Variants in GOLGA2 observed in about 807,000 individuals in gnomAD.
GOLGA2 encodes the protein golgin A2.
Under a neutral mutation model 148.8 loss-of-function variants are expected in GOLGA2, and 49 were observed. The ratio of observed to expected loss-of-function variants is 0.33; its 90% CI spans 0.26 to 0.42. The LOEUF is 0.42. Among genes scored for constraint, GOLGA2 ranks in the 10% least tolerant of loss-of-function variants. The pLI is 1.00. For missense variants in GOLGA2, 1,178 were observed against 1,304.6 expected (o/e 0.90, Z 1.49); for synonymous variants, 501 against 511.8 (o/e 0.98, Z 0.28).
Position 128,260,922 on chromosome 9 carries a change from A to T in GOLGA2, c.1421-120T>A, listed in dbSNP as rs1238786154. Reference sequence around the variant, plus strand: ...CCTGCTGATGATTCCTCGCACCCGGATGTTAGCCAATCTTCCAAACCACTT... The same window carrying T: ...CCTGCTGATGATTCCTCGCACCCGGTTGTTAGCCAATCTTCCAAACCACTT... On this transcript the variant is annotated intron_variant, in intron 17 of 26. Coordinates refer to ENST00000611957, the MANE Select transcript of GOLGA2 (RefSeq NM_001366244.2). This position sits in a 1 kb window ranked among gnomAD's most constrained non-coding sequence, Gnocchi z 4.8. The T allele has an allele frequency of 1.4e-6, 1 of 732,754 alleles. No homozygotes were observed. The highest frequency in any genetic ancestry group is 2.2e-6 in the Non-Finnish European group (1 of 446,666). 45.4% of individuals were successfully genotyped at this position (732,754 alleles called of 1,614,324 possible).
intron 3 of GOLGA2, among the ~76,000 whole-genome samples, chr9:128,269,257 G>A (rs1025866390): frequency 6.6e-6 from 1 of 151,604 alleles, no homozygotes; most frequent in African/African-American, 2.4e-5. Flanking sequence ...CCTACTGGCT[G>A]TGTTTCTGAT....
chr9:128,273,285 T>A (rs1421301614), intron 2 of GOLGA2, among the ~76,000 whole-genome samples: 1 of 152,182 alleles, frequency 6.6e-6, no homozygotes, highest in African/African-American at 2.4e-5. Context: ...AAGACACTGA[T>A]CATATCCAAT....
chr9:128,257,807 C>T lies in GOLGA2; in HGVS notation c.2594G>A (p.Gly865Glu). 1 of 1,614,090 alleles carries T rather than the reference C, an allele frequency of 6.2e-7. No homozygotes were observed. Among genetic ancestry groups the T allele is most frequent in the Non-Finnish European group, 8.5e-7 (1 of 1,179,908 alleles). Residue 865 changes from glycine (G) to glutamate (E), a missense_variant, in exon 24 of 27, where the codon GGA (glycine) becomes GAA (glutamate). This residue lies in a region of GOLGA2 where 38 missense variants were observed against 67.3 expected (regional missense o/e 0.56). Coordinates refer to ENST00000611957, the MANE Select transcript of GOLGA2 (RefSeq NM_001366244.2). This position sits in a 1 kb window ranked among gnomAD's most constrained non-coding sequence, Gnocchi z 8.0. ...CCACTCACCAATGGTGTCTGTCTCT[C>T]CAGAAAGCTGGATGCAGCGATGTTC... ...ELEHRCIQLS[G>E]ETDTIGEYIA...
intron 1 of GOLGA2, chr9:128,275,379 C>T: frequency 7.8e-7 from 1 of 1,286,122 alleles, no homozygotes; most frequent in Non-Finnish European, 9.9e-7. Flanking sequence ...GGGGGAACAT[C>T]AGCGCGACGT....
chr9:128,260,504 C>G lies in GOLGA2; in HGVS notation c.1719G>C (p.Lys573Asn). Reference sequence around the variant, plus strand: ...CGCTCTGCAGCTCAGCCAGCTGCTCCTTGAGCTCCCGGTTCTGGGAGAGTG... The same window carrying G: ...CGCTCTGCAGCTCAGCCAGCTGCTCGTTGAGCTCCCGGTTCTGGGAGAGTG... Reference protein sequence around the residue: ...SRALSQNRELKEQLAELQSGF... With the variant: ...SRALSQNRELNEQLAELQSGF... Residue 573 changes from lysine (K) to asparagine (N), a missense_variant, in exon 18 of 27, where the codon AAG (lysine) becomes AAC (asparagine). Physicochemically the swap from Lys to Asn is moderately conservative, Grantham distance 94. Coordinates refer to ENST00000611957, the MANE Select transcript of GOLGA2 (RefSeq NM_001366244.2). The surrounding 1 kb of genome is among the most constrained non-coding windows in gnomAD (Gnocchi z 4.8). 1 of 1,612,986 alleles carries G rather than the reference C, an allele frequency of 6.2e-7. No individual in the cohort carries two copies. The highest frequency in any genetic ancestry group is 1.3e-5 in the African/African-American group (1 of 75,042).
chr9:128,274,753 T>C (rs767174461), intron 1 of GOLGA2, among the ~76,000 whole-genome samples: 8 of 152,190 alleles, frequency 5.3e-5, no homozygotes, highest in Non-Finnish European at 8.8e-5. Context: ...CTCTTAGAAA[T>C]TTATGTGACT....
chr9:128,265,228 C>T (rs925374983), intron 12 of GOLGA2, among the ~76,000 whole-genome samples: 10 of 152,260 alleles, frequency 6.6e-5, no homozygotes, highest in East Asian at 1.9e-4. Context: ...TACACACACA[C>T]GTTCCCTCTC....
At chr9:128,272,126 T>TG (rs1307811688) in intron 3 of GOLGA2, among the ~76,000 whole-genome samples, 4 of 149,486 alleles carry the variant, frequency 2.7e-5, no homozygotes, top group African/African-American at 9.8e-5. Flanking sequence ...GGTTTTTTTG[T>TG]GTTTTTTTTT....
intron 3 of GOLGA2, among the ~76,000 whole-genome samples, chr9:128,269,330 G>A (rs1830789256): frequency 6.6e-6 from 1 of 150,818 alleles, no homozygotes; most frequent in South Asian, 2.1e-4. Flanking sequence ...CCAACTCTCT[G>A]GAGGTAAAAA....
chr9:128,274,026 C>G, intron 1 of GOLGA2, 54 bp from the exon 2 acceptor site: 1 of 1,565,292 alleles, frequency 6.4e-7, no homozygotes, highest in Non-Finnish European at 8.7e-7. Context: ...CCCACAGTTA[C>G]ATCCTACTTT....
intron 1 of GOLGA2, chr9:128,275,332 C>A: frequency 9.0e-7 from 1 of 1,110,198 alleles, no homozygotes; most frequent in Non-Finnish European, 1.2e-6. Context: ...AATTACGGTT[C>A]CGAGGGGGAT....
Position 128,266,404 on chromosome 9 carries a change from G to C in GOLGA2, c.643-79C>G. The stretch of plus-strand genomic sequence containing the variant: ...CCCCAGACCAGGAACGGGTAGGCAG[G>C]GGCCAGGAATGGATTTTAAAGGCAA... On this transcript the variant is annotated intron_variant, in intron 8 of 26. Coordinates refer to ENST00000611957, the MANE Select transcript of GOLGA2 (RefSeq NM_001366244.2). The surrounding 1 kb of genome is among the most constrained non-coding windows in gnomAD (Gnocchi z 4.2). The C allele has an allele frequency of 7.8e-7, 1 of 1,289,982 alleles. No individual in the cohort carries two copies. Among genetic ancestry groups the C allele is most frequent in the Non-Finnish European group, 1.1e-6 (1 of 894,626 alleles). 79.9% of individuals were successfully genotyped at this position (1,289,982 alleles called of 1,614,324 possible). A position where few individuals can be genotyped will look rare whatever the true frequency, so the allele number is the denominator to read the frequency against.
chr9:128,275,284 G>A (rs898017697), intron 1 of GOLGA2: 8 of 694,752 alleles, frequency 1.2e-5, no homozygotes, highest in East Asian at 3.3e-5. Flanking sequence ...ACACTTAGGG[G>A]ACTGGGTCCT....
In GOLGA2 at chr9:128,260,456, G is replaced by A; in HGVS notation, c.1758+9C>T. The A allele has an allele frequency of 6.2e-7, 1 of 1,601,604 alleles. No homozygotes were observed. The highest frequency in any genetic ancestry group is 8.5e-7 in the Non-Finnish European group (1 of 1,171,282). On this transcript the variant is annotated intron_variant, in intron 18 of 26. Transcript: ENST00000611957. The surrounding 1 kb of genome is among the most constrained non-coding windows in gnomAD (Gnocchi z 4.8). ...GAGGAGGGCGGGCTCTCCAGGTGGGGCAGCGCACCAGCTTTACAAATCCGC... is the reference window on the plus strand; with the variant it reads ...GAGGAGGGCGGGCTCTCCAGGTGGGACAGCGCACCAGCTTTACAAATCCGC...
chr9:128,273,069 A>G (rs1831058502), intron 2 of GOLGA2, among the ~76,000 whole-genome samples: 1 of 152,218 alleles, frequency 6.6e-6, no homozygotes, highest in Non-Finnish European at 1.5e-5. Flanking sequence ...AATAGATGGA[A>G]AAGTCCCCTG....
rs766657971 is a variant in GOLGA2 at position 128,258,165 on chromosome 9, C to T, written c.2323G>A (p.Glu775Lys). The change falls in exon 23 of 27, where the codon GAG (glutamate) becomes AAG (lysine). Residue 775 changes from glutamate to lysine, a missense_variant. Glu to Lys is a moderately conservative substitution (Grantham distance 56, BLOSUM62 1). This residue lies in a region of GOLGA2 where 529 missense variants were observed against 521.8 expected (regional missense o/e 1.01). Transcript: ENST00000611957. The surrounding 1 kb of genome is among the most constrained non-coding windows in gnomAD (Gnocchi z 6.6). The part of the protein sequence containing the change: ...AFFNSAVASA[E>K]EEQARLRGQL... ...CCACGTAGCCTTGCCTGCTCCTCCT[C>T]GGCACTGGCTACAGCTGAGTTGAAA... The T allele has an allele frequency of 5.4e-5, 87 of 1,603,282 alleles. No homozygotes were observed. The highest frequency in any genetic ancestry group is 7.0e-5 in the Non-Finnish European group (82 of 1,177,150).
In GOLGA2 at chr9:128,258,060, C is replaced by T; in HGVS notation, c.2428G>A (p.Ala810Thr). 6.2e-7 allele frequency: 1 copy of T among 1,611,496 alleles called. No individual in the cohort carries two copies. Among genetic ancestry groups the T allele is most frequent in the Non-Finnish European group, 8.5e-7 (1 of 1,179,714 alleles). The part of the protein sequence containing the change: ...ASAQKEPEAA[A>T]PAPGTGGDSV... ...TCACCCCCGGTCCCTGGGGCTGGGG[C>T]TGCTGCCTCAGGCTCCTTCTGGGCC... Residue 810 changes from alanine to threonine, a missense_variant, in exon 23 of 27, where the codon GCC becomes ACC. By Grantham distance (58) the Ala-to-Thr change is moderately conservative. This residue lies in a region of GOLGA2 where 529 missense variants were observed against 521.8 expected (regional missense o/e 1.01). Transcript: ENST00000611957. The surrounding 1 kb of genome is among the most constrained non-coding windows in gnomAD (Gnocchi z 6.6).
chr9:128,265,122 G>C (rs1210360475), intron 12 of GOLGA2, among the ~76,000 whole-genome samples: 1 of 152,212 alleles, frequency 6.6e-6, no homozygotes, highest in Non-Finnish European at 1.5e-5. Context: ...GGGCAGAAGG[G>C]AAATATCTTC....
At chr9:128,273,805 C>G (rs764865059) in intron 2 of GOLGA2, 45 bp downstream of exon 2, 1 of 1,603,984 alleles carries the variant, frequency 6.2e-7, no homozygotes, top group Admixed American at 1.7e-5. Flanking sequence ...CCTCTACTGC[C>G]CCTTGGGCCC....
Sources: gnomAD v4.1 joint callset for allele counts (sites outside exome capture counted in the v4.1 genomes callset) on GRCh38, gnomAD v4.1.1 for gene constraint, gnomAD v4.1.1 regional missense constraint, Gnocchi (gnomAD v3.1) non-coding constraint, MANE v1.5 for transcripts, NCBI Gene and HGNC (gene_info 2026-07-23, HGNC 2026-07-21) for gene names.